RAF1: variants seen among roughly 807,000 people sequenced by gnomAD.
RAF1 encodes the protein Raf-1 proto-oncogene, serine/threonine kinase, also known as RAF proto-oncogene serine/threonine-protein kinase.
A neutral mutation model predicts 81.1 loss-of-function variants in RAF1; 27 were observed. The observed-to-expected ratio is 0.33, with a 90% CI of 0.25 to 0.46. The LOEUF is 0.46. Ranked by LOEUF, RAF1 falls within the 20% of genes least tolerant of loss-of-function variation. The pLI is 1.00. For missense variants in RAF1, 598 were observed against 826.0 expected (o/e 0.72, Z 3.38); for synonymous variants, 298 against 294.0 (o/e 1.01, Z -0.14).
chr3:12,632,541 C>T (rs549390128), intron 1 of RAF1, among the ~76,000 whole-genome samples: 1 of 152,208 alleles, frequency 6.6e-6, no homozygotes, highest in African/African-American at 2.4e-5. Flanking sequence ...TAAAGGCAAC[C>T]AACAACAGTG....
Position 12,658,432 on chromosome 3 carries a change from G to A in RAF1, c.-27+5381C>T, listed in dbSNP as rs150430734. On this transcript the variant is annotated intron_variant, in intron 1 of 17. Coordinates refer to ENST00000442415, the MANE Select transcript of RAF1 (RefSeq NM_001354689.3). ...AGCATGACCAACACAGTGAAACCCT[G>A]TCTCTACTAAAAATACAAAATTAGC... Among the ~76,000 whole-genome samples the A allele has an allele frequency of 4.5e-3, 683 of 152,124 alleles. 5 individuals are homozygous for A. The highest frequency in any genetic ancestry group is 0.015 in the African/African-American group (640 of 41,484).
chr3:12,633,045 C>A (rs1175099777), intron 1 of RAF1, among the ~76,000 whole-genome samples: 2 of 152,086 alleles, frequency 1.3e-5, no homozygotes, highest in Non-Finnish European at 2.9e-5. Context: ...TTTCCCTTAC[C>A]TTACAATAAA....
At position 12,618,599 on chromosome 3, in the gene RAF1, C is replaced by T; in HGVS notation, c.123G>A (p.Arg41=). 3 of 1,614,114 alleles carry T rather than the reference C, an allele frequency of 1.9e-6. No individual in the cohort carries two copies. Among genetic ancestry groups the T allele is most frequent in the Non-Finnish European group, 2.5e-6 (3 of 1,180,022 alleles). Residue 41 remains arginine, a synonymous_variant, in exon 2 of 18, where the codon CGG becomes CGA. Transcript: ENST00000442415. ...CTGTGAGTTTGCCATCATCTGATGC[C>T]CGGCGCTGATAGCCAAACTGCTGAA...
At chr3:12,592,176 G>A (rs1003590074) in intron 11 of RAF1, 1 of 348,454 alleles carries the variant, frequency 2.9e-6, no homozygotes, top group Non-Finnish European at 5.6e-6. Flanking sequence ...AAGCCACAGA[G>A]GTGAGGTCAT....
intron 1 of RAF1, among the ~76,000 whole-genome samples, chr3:12,630,232 T>C (rs2059822211): frequency 1.3e-5 from 2 of 152,210 alleles, no homozygotes; most frequent in Admixed American, 1.3e-4. Context: ...CAGTTCAAAA[T>C]CTACCTCCAC....
chr3:12,591,896 C>A, intron 11 of RAF1, 104 bp from the exon 11 acceptor site: 2 of 894,780 alleles, frequency 2.2e-6, no homozygotes, highest in Non-Finnish European at 3.7e-6. Context: ...CAAAGAATCA[C>A]ATACCTACAC....
At chr3:12,586,950 C>T (rs1485406623) in intron 14 of RAF1, 2 of 152,596 alleles carry the variant, frequency 1.3e-5, no homozygotes, top group Non-Finnish European at 2.9e-5. Context: ...ATTCTCGTGC[C>T]TCAGCCTCCT....
At chr3:12,636,406 A>T (rs1399236858) in intron 1 of RAF1, among the ~76,000 whole-genome samples, 1 of 151,454 alleles carries the variant, frequency 6.6e-6, no homozygotes, top group Non-Finnish European at 1.5e-5. Flanking sequence ...CAGTAGTTCA[A>T]GACCAGCCTG....
At chr3:12,662,183 T>A (rs1037426395) in intron 1 of RAF1, among the ~76,000 whole-genome samples, 5 of 150,280 alleles carry the variant, frequency 3.3e-5, no homozygotes, top group Admixed American at 2.0e-4. Flanking sequence ...ATTTTTTTTT[T>A]AATTAGCCAT....
chr3:12,594,278 A>C (rs2058619428), intron 11 of RAF1, among the ~76,000 whole-genome samples: 1 of 152,194 alleles, frequency 6.6e-6, no homozygotes, highest in African/African-American at 2.4e-5. Context: ...GAAAATGGCC[A>C]ACGCTATGAC....
intron 1 of RAF1, among the ~76,000 whole-genome samples, chr3:12,661,091 G>A (rs1157214300): frequency 6.6e-6 from 1 of 152,112 alleles, no homozygotes; most frequent in African/African-American, 2.4e-5. Context: ...GTAAAAACAA[G>A]CCAAAATAAT....
At position 12,591,885 on chromosome 3, in the gene RAF1, C is replaced by G. The variant is rs1032532619; in HGVS notation, c.1169-93G>C. On this transcript the variant is annotated intron_variant, in intron 11 of 17. Transcript: ENST00000442415. ...GAGGAAGATACAGTGAATCATTTAT[C>G]CAAAGAATCACATACCTACACAGAT... 20 of 1,015,832 alleles carry G rather than the reference C, an allele frequency of 2.0e-5. No individual in the cohort carries two copies. In the African/African-American group the frequency reaches 3.0e-4, roughly 15 times the overall value. The allele number at this position is 1,015,832 out of a possible 1,614,324, so 62.9% of individuals were successfully genotyped here. A position where few individuals can be genotyped will look rare whatever the true frequency, so the allele number is the denominator to read the frequency against.
chr3:12,654,372 C>T (rs1436609488), intron 1 of RAF1, among the ~76,000 whole-genome samples: 1 of 152,030 alleles, frequency 6.6e-6, no homozygotes, highest in South Asian at 2.1e-4. Context: ...GAGGCCAAGG[C>T]GGGAGAATCA....
chr3:12,604,017 G>A lies in RAF1; in HGVS notation c.834+119C>T. On this transcript the variant is annotated intron_variant, in intron 7 of 17. Transcript: ENST00000442415. The stretch of plus-strand genomic sequence containing the variant: ...ATATAAAATAAACTGTAAAAGTCCA[G>A]AGACCTGAGAAAGTGTTGCAACATT... 4.4e-6 allele frequency: 5 copies of A among 1,148,424 alleles called. No individual in the cohort carries two copies. The South Asian group carries it at 6.3e-5, about 14-fold the overall frequency. 71.1% of individuals were successfully genotyped at this position (1,148,424 alleles called of 1,614,324 possible). A position where few individuals can be genotyped will look rare whatever the true frequency, so the allele number is the denominator to read the frequency against.
chr3:12,625,247 C>T (rs1259867808), intron 1 of RAF1, among the ~76,000 whole-genome samples: 2 of 151,868 alleles, frequency 1.3e-5, no homozygotes, highest in Non-Finnish European at 2.9e-5. Context: ...CTATGTCTGG[C>T]TAATTTTGTG....
intron 2 of RAF1, among the ~76,000 whole-genome samples, chr3:12,612,832 A>T (rs6786546): frequency 0.034 from 5,159 of 152,238 alleles, 310 homozygotes; most frequent in African/African-American, 0.12. Flanking sequence ...ATACACATAT[A>T]TGTTCACTAG....
Position 12,635,637 on chromosome 3 carries a change from C to CAA in RAF1, c.-26-16892_-26-16891dup, listed in dbSNP as rs34576938. On this transcript the variant is annotated intron_variant, in intron 1 of 17. Coordinates refer to ENST00000442415, the MANE Select transcript of RAF1 (RefSeq NM_001354689.3). Reference sequence around the variant, plus strand: ...GGCAAAAAGAGTGAAACTCCAGCTCCAAAAAAAAAAAAAAAAAAAAAAAGA... The same window carrying CAA: ...GGCAAAAAGAGTGAAACTCCAGCTCCAAAAAAAAAAAAAAAAAAAAAAAAAGA... Among the ~76,000 whole-genome samples, 31 of 73,254 alleles carry CAA rather than the reference C, an allele frequency of 4.2e-4. 1 individual carries two copies. Among genetic ancestry groups the CAA allele is most frequent in the Admixed American group, 3.7e-3 (19 of 5,198 alleles). The allele number at this position is 73,254 out of a possible 152,430, so 48.1% of individuals were successfully genotyped here. A position where few individuals can be genotyped will look rare whatever the true frequency, so the allele number is the denominator to read the frequency against.
intron 1 of RAF1, among the ~76,000 whole-genome samples, chr3:12,627,125 G>C (rs760916710): frequency 6.6e-6 from 1 of 151,930 alleles, no homozygotes; most frequent in African/African-American, 2.4e-5. Context: ...CATTTATTTG[G>C]TAAGACAGTC....
At chr3:12,611,108 G>C (rs1022703677) in intron 3 of RAF1, among the ~76,000 whole-genome samples, 18 of 152,076 alleles carry the variant, frequency 1.2e-4, no homozygotes, top group African/African-American at 4.3e-4. Flanking sequence ...TAATGCATTA[G>C]AGTAAACACA....
Sources: allele counts gnomAD v4.1 joint callset (sites outside exome capture counted in the v4.1 genomes callset), GRCh38; gene constraint gnomAD v4.1.1; transcripts MANE v1.5; gene names NCBI Gene and HGNC (gene_info 2026-07-23, HGNC 2026-07-21).